The following ACAN variants were observed in gnomAD, a reference collection of about 807,000 sequenced individuals.
ACAN encodes aggrecan.
In ACAN, 47 loss-of-function variants were observed where a neutral mutation model predicts 169.1. The ratio of observed to expected loss-of-function variants is 0.28; its 90% CI spans 0.22 to 0.35. The LOEUF is 0.35. ACAN is among the 10% of genes least tolerant of loss of function. The pLI, the probability that ACAN is intolerant of heterozygous loss-of-function variation, is 1.00. For missense variants in ACAN, 2,716 were observed against 2,759.9 expected (o/e 0.98, Z 0.36); for synonymous variants, 1,115 against 1,112.2 (o/e 1.00, Z -0.05).
At chr15:88,806,581 C>T (rs1895688924) in intron 1 of ACAN, among the ~76,000 whole-genome samples, 1 of 152,142 alleles carries the variant, frequency 6.6e-6, no homozygotes, top group South Asian at 2.1e-4. Flanking sequence ...AACTTCTGAC[C>T]TCAGGTGATC....
chr15:88,836,064 G>T lies in ACAN; in HGVS notation c.-7-136G>T. 4.7e-6 allele frequency: 3 copies of T among 631,796 alleles called. No homozygotes were observed. The South Asian group carries it at 6.3e-5, about 13-fold the overall frequency. The allele number at this position is 631,796 out of a possible 1,614,324, so 39.1% of individuals were successfully genotyped here. A position where few individuals can be genotyped will look rare whatever the true frequency, so the allele number is the denominator to read the frequency against. ...TTTAAGAAAATATCTCACAAACCACGTGCAGCCTCCTTCTCTGGAGATGAT... is the reference window on the plus strand; with the variant it reads ...TTTAAGAAAATATCTCACAAACCACTTGCAGCCTCCTTCTCTGGAGATGAT... On this transcript the variant is annotated intron_variant, in intron 1 of 18. Transcript: ENST00000560601.
Position 88,874,171 on chromosome 15 carries a change from C to T in ACAN, c.7630+147C>T. On this transcript the variant is annotated intron_variant, in intron 18 of 18. Coordinates refer to ENST00000560601, the MANE Select transcript of ACAN (RefSeq NM_001369268.1). This position sits in a 1 kb window ranked among gnomAD's most constrained non-coding sequence, Gnocchi z 7.3. ...CGGGGGGCTGCTCAGTCACAAATAGCTGACCACTGCCCTTAGAAGGGCCAC... is the reference window on the plus strand; with the variant it reads ...CGGGGGGCTGCTCAGTCACAAATAGTTGACCACTGCCCTTAGAAGGGCCAC... The T allele has an allele frequency of 8.5e-7, 1 of 1,175,326 alleles. No individual in the cohort carries two copies. Among genetic ancestry groups the T allele is most frequent in the Non-Finnish European group, 1.2e-6 (1 of 819,752 alleles). The allele number at this position is 1,175,326 out of a possible 1,614,324, so 72.8% of individuals were successfully genotyped here. A position where few individuals can be genotyped will look rare whatever the true frequency, so the allele number is the denominator to read the frequency against.
rs1896932178 is a variant in ACAN, at chr15:88,851,652, C to T, written c.2027-142C>T. Reference sequence around the variant, plus strand: ...ATTGGTGCCGATGGCTCTTACTAAGCGAGAAGGCAAACAGCCATCTGCTGA... The same window carrying T: ...ATTGGTGCCGATGGCTCTTACTAAGTGAGAAGGCAAACAGCCATCTGCTGA... On this transcript the variant is annotated intron_variant, in intron 10 of 18. Coordinates refer to ENST00000560601, the MANE Select transcript of ACAN (RefSeq NM_001369268.1). This position sits in a 1 kb window ranked among gnomAD's most constrained non-coding sequence, Gnocchi z 4.3. 6.1e-6 allele frequency: 6 copies of T among 989,794 alleles called. No individual in the cohort carries two copies. The highest frequency in any genetic ancestry group is 5.3e-5 in the East Asian group (2 of 37,854). 61.3% of individuals were successfully genotyped at this position (989,794 alleles called of 1,614,324 possible). A position where few individuals can be genotyped will look rare whatever the true frequency, so the allele number is the denominator to read the frequency against.
In ACAN at chr15:88,871,977, G is replaced by A. The variant is rs1408957580; in HGVS notation, c.7220-26G>A. The A allele has an allele frequency of 4.4e-6, 7 of 1,596,406 alleles. No homozygotes were observed. The highest frequency in any genetic ancestry group is 1.7e-5 in the Admixed American group (1 of 59,968). ...ACACCCTCAGGGTGTCCAGTGTGAT[G>A]CCTGACACCCTCACCCTTTCCCCAG... On this transcript the variant is annotated intron_variant, in intron 15 of 18. Coordinates refer to ENST00000560601, the MANE Select transcript of ACAN (RefSeq NM_001369268.1). The surrounding 1 kb of genome is among the most constrained non-coding windows in gnomAD (Gnocchi z 7.8).
rs181097952 is a variant in ACAN at position 88,840,886 on chromosome 15, T to C, written c.629+700T>C. ...TCAGCCGGGCGCAGTGGCTCATGCC[T>C]GTAATCCCAGCACTTTGGGAGGCCA... On this transcript the variant is annotated intron_variant, in intron 4 of 18. Transcript: ENST00000560601. Among the ~76,000 whole-genome samples the C allele has an allele frequency of 2.4e-3, 366 of 152,124 alleles. 2 individuals are homozygous for C. The highest frequency in any genetic ancestry group is 4.5e-3 in the Non-Finnish European group (304 of 68,010).
At chr15:88,864,168 C>T (rs1195034430) in intron 13 of ACAN, among the ~76,000 whole-genome samples, 1 of 152,094 alleles carries the variant, frequency 6.6e-6, no homozygotes, top group African/African-American at 2.4e-5. Flanking sequence ...CAGAGTGAGA[C>T]CCTGTCTCAA....
intron 1 of ACAN, among the ~76,000 whole-genome samples, chr15:88,830,033 G>C (rs1896320408): frequency 6.6e-6 from 1 of 152,182 alleles, no homozygotes; most frequent in East Asian, 1.9e-4. Flanking sequence ...GTTTCAGGGA[G>C]GAGGCCTGCA....
Position 88,873,077 on chromosome 15 carries a change from C to G in ACAN, c.7447+52C>G. The G allele has an allele frequency of 6.3e-7, 1 of 1,584,108 alleles. No homozygotes were observed. Among genetic ancestry groups the G allele is most frequent in the Non-Finnish European group, 8.6e-7 (1 of 1,163,778 alleles). On this transcript the variant is annotated intron_variant, in intron 17 of 18. Transcript: ENST00000560601. The surrounding 1 kb of genome is among the most constrained non-coding windows in gnomAD (Gnocchi z 7.5). ...GGGAGGATAGGATCAAGACCTCCAGCTACAGGTGAGGCTCTTGCTGTGTGG... is the reference window on the plus strand; with the variant it reads ...GGGAGGATAGGATCAAGACCTCCAGGTACAGGTGAGGCTCTTGCTGTGTGG...
rs1282989822 is a variant in ACAN at position 88,869,594 on chromosome 15, G to C, written c.7060+1265G>C. 6.6e-6 allele frequency among the ~76,000 whole-genome samples: 1 copy of C among 152,214 alleles called. No individual in the cohort carries two copies. The highest frequency in any genetic ancestry group is 1.5e-5 in the Non-Finnish European group (1 of 68,038). ...ACAACATTTGCCACAGGGTAGAAGA[G>C]TCTGGGACTTCCATGCCGACAACAG... On this transcript the variant is annotated intron_variant, in intron 14 of 18. Transcript: ENST00000560601. This position sits in a 1 kb window ranked among gnomAD's most constrained non-coding sequence, Gnocchi z 4.2.
intron 1 of ACAN, among the ~76,000 whole-genome samples, chr15:88,828,985 T>G (rs1444855893): frequency 7.2e-5 from 11 of 152,218 alleles, no homozygotes; most frequent in African/African-American, 2.7e-4. Context: ...AGCACAGAGC[T>G]GCTCAAGGCC....
rs961148092 is a variant in ACAN at position 88,859,229 on chromosome 15, C to G, written c.6644C>G (p.Thr2215Ser). 1 of 1,613,884 alleles carries G rather than the reference C, an allele frequency of 6.2e-7. No individual in the cohort carries two copies. Among genetic ancestry groups the G allele is most frequent in the Admixed American group, 1.7e-5 (1 of 60,018 alleles). The change falls in exon 12 of 19, where the codon ACC (threonine) becomes AGC (serine). Residue 2215 changes from threonine to serine, a missense_variant. Thr to Ser is a moderately conservative substitution (Grantham distance 58, BLOSUM62 1). Coordinates refer to ENST00000560601, the MANE Select transcript of ACAN (RefSeq NM_001369268.1). ...HTSQLGVVISTSIPESEWTQQ... is the reference protein window; with the variant it reads ...HTSQLGVVISSSIPESEWTQQ... Reference sequence around the variant, plus strand: ...TCGCAGCTGGGCGTTGTCATCAGCACCAGCATCCCAGAGTCTGAGTGGACC... The same window carrying G: ...TCGCAGCTGGGCGTTGTCATCAGCAGCAGCATCCCAGAGTCTGAGTGGACC...
chr15:88,835,197 C>T (rs1896471228), intron 1 of ACAN, among the ~76,000 whole-genome samples: 1 of 152,142 alleles, frequency 6.6e-6, no homozygotes, highest in Non-Finnish European at 1.5e-5. Flanking sequence ...GGCCCCTAAA[C>T]CTTGCCTGAA....
At chr15:88,819,874 T>C (rs961898314) in intron 1 of ACAN, among the ~76,000 whole-genome samples, 4 of 152,160 alleles carry the variant, frequency 2.6e-5, no homozygotes, top group Non-Finnish European at 4.4e-5. Context: ...GCCCCTAGCA[T>C]CATTCCTGGC....
chr15:88,817,866 A>AG (rs1360887808), intron 1 of ACAN, among the ~76,000 whole-genome samples: 30 of 150,856 alleles, frequency 2.0e-4, no homozygotes, highest in African/African-American at 7.3e-4. Flanking sequence ...AAAAAAAAAA[A>AG]AAAGAAAGAA....
chr15:88,858,290 C>T lies in ACAN; in HGVS notation c.5705C>T (p.Ala1902Val), dbSNP rs759804072. Residue 1902 changes from alanine (A) to valine (V), a missense_variant, in exon 12 of 19, where the codon GCT becomes GTT. By Grantham distance (64) the Ala-to-Val change is moderately conservative (BLOSUM62 0). This residue lies in a region of ACAN where 1,389 missense variants were observed against 1,363.7 expected (regional missense o/e 1.02). Transcript: ENST00000560601. The surrounding 1 kb of genome is among the most constrained non-coding windows in gnomAD (Gnocchi z 4.0). Reference sequence around the variant, plus strand: ...TTCAGTGGCCTACCAAGTGGCATAGCTGAGGTCAGTGGAGAATCCTCCAGA... The same window carrying T: ...TTCAGTGGCCTACCAAGTGGCATAGTTGAGGTCAGTGGAGAATCCTCCAGA... ...PEFSGLPSGI[A>V]EVSGESSRAE... is the part of the protein sequence containing the mutation. 1 of 1,613,974 alleles carries T rather than the reference C, an allele frequency of 6.2e-7. No individual in the cohort carries two copies. Among genetic ancestry groups the T allele is most frequent in the Non-Finnish European group, 8.5e-7 (1 of 1,179,892 alleles).
chr15:88,863,321 T>C (rs182620568), intron 13 of ACAN, among the ~76,000 whole-genome samples: 25 of 152,316 alleles, frequency 1.6e-4, no homozygotes, highest in Admixed American at 1.3e-3. Context: ...CCCAAGGGAA[T>C]TAGGCTTCAG....
chr15:88,860,545 G>GCTCAGGTTT, intron 13 of ACAN, 106 bp downstream of exon 13: 1 of 857,828 alleles, frequency 1.2e-6, no homozygotes, highest in Non-Finnish European at 1.9e-6. Context: ...GTCCACTGAG[G>GCTCAGGTTT]CTCAGGCTGG....
At chr15:88,837,329 T>G (rs8040435) in intron 2 of ACAN, among the ~76,000 whole-genome samples, 4,574 of 152,190 alleles carry the variant, frequency 0.03, 207 homozygotes, top group African/African-American at 0.097. Flanking sequence ...AAACACCAAG[T>G]AATCCAAGAA....
chr15:88,863,079 C>T (rs938334246), intron 13 of ACAN, among the ~76,000 whole-genome samples: 2 of 151,702 alleles, frequency 1.3e-5, no homozygotes, highest in Non-Finnish European at 2.9e-5. Flanking sequence ...AGCATGATTC[C>T]TGCAGTAATA....
Sources: allele counts gnomAD v4.1 joint callset (sites outside exome capture counted in the v4.1 genomes callset), GRCh38; gene constraint gnomAD v4.1.1; regional missense constraint gnomAD v4.1.1; non-coding constraint Gnocchi (gnomAD v3.1); transcripts MANE v1.5; gene names NCBI Gene and HGNC (gene_info 2026-07-23, HGNC 2026-07-21).